Variants in CFAP46 observed in about 807,000 individuals in gnomAD.
The protein encoded by CFAP46 is cilia and flagella associated protein 46, also known as cilia- and flagella-associated protein 46.
Under a neutral mutation model 325.7 loss-of-function variants are expected in CFAP46, and 245 were observed. That is an observed-to-expected ratio of 0.75 (90% CI 0.68 to 0.84). The LOEUF is 0.84. Ranked by LOEUF, CFAP46 falls within the 40% of genes least tolerant of loss-of-function variation. The probability of loss-of-function intolerance (pLI) is 0.00; values close to 1 mark genes in which losing one functional copy is unlikely to be tolerated. For synonymous variants in CFAP46, 1,523 were observed against 1,495.9 expected (o/e 1.02, Z -0.42); for missense variants, 3,346 against 3,543.0 (o/e 0.94, Z 1.41).
rs777932119 is a variant in CFAP46, at chr10:132,920,099, C to T, written c.1690G>A (p.Gly564Arg). The T allele has an allele frequency of 1.7e-5, 27 of 1,548,790 alleles. No homozygotes were observed. The South Asian group carries it at 2.0e-4, about 12-fold the overall frequency. The change falls in exon 14 of 58, where the codon GGG (glycine) becomes AGG (arginine). Residue 564 changes from glycine to arginine, a missense_variant. Transcript: ENST00000368586. ...TCGTTGCCCAGGCGCCGCAGGTGCCCGGCAGCTTTGTCCACGCTGACGGTG... is the reference window on the plus strand; with the variant it reads ...TCGTTGCCCAGGCGCCGCAGGTGCCTGGCAGCTTTGTCCACGCTGACGGTG... ...HHTVSVDKAA[G>R]HLRRLGNEND...
At chr10:132,835,226 ACCTCG>A (rs1214271546) in intron 47 of CFAP46, 73 bp downstream of exon 47, 1 of 1,552,282 alleles carries the variant, frequency 6.4e-7, no homozygotes, top group African/African-American at 1.4e-5. Context: ...CCCTCCCCCC[ACCTCG>A]CCAGGGTCCT....
chr10:132,897,487 G>A (rs1023541275), intron 24 of CFAP46, among the ~76,000 whole-genome samples: 1 of 152,214 alleles, frequency 6.6e-6, no homozygotes, highest in Non-Finnish European at 1.5e-5. Flanking sequence ...GGTAGGAACC[G>A]CATATCTAGG....
At chr10:132,839,822 T>C (rs1310049242) in intron 44 of CFAP46, among the ~76,000 whole-genome samples, 1 of 152,234 alleles carries the variant, frequency 6.6e-6, no homozygotes, top group Non-Finnish European at 1.5e-5. Context: ...TTTTTGAATA[T>C]TGAACCACAT....
rs746756986 is a variant in CFAP46, at chr10:132,808,667, G to A, written c.7902C>T (p.Leu2634=). The change falls in exon 58 of 58, where the codon CTC becomes CTT. Residue 2634 remains leucine, a synonymous_variant. Transcript: ENST00000368586. This position sits in a 1 kb window ranked among gnomAD's most constrained non-coding sequence, Gnocchi z 6.8. ...PAPIPSSQLA[L]PFLGLSPALG... is the part of the protein sequence containing the mutation. ...GGGCTGGGGAGAGGCCCAGGAAGGG[G>A]AGAGCGAGCTGGGAGCTGGGGATGG... is the stretch of plus-strand genomic sequence containing the variant. 2 of 1,586,560 alleles carry A rather than the reference G, an allele frequency of 1.3e-6. No individual in the cohort carries two copies. Among genetic ancestry groups the A allele is most frequent in the Admixed American group, 3.6e-5 (2 of 54,908 alleles).
At chr10:132,836,119 C>T (rs751555558) in intron 46 of CFAP46, 23 bp downstream of exon 46, 2 of 1,593,982 alleles carry the variant, frequency 1.3e-6, no homozygotes, top group East Asian at 4.5e-5. Context: ...CTCCCCCTCC[C>T]CCTCCCCTGC....
chr10:132,815,316 G>C (rs1847672217), intron 50 of CFAP46, among the ~76,000 whole-genome samples: 1 of 152,182 alleles, frequency 6.6e-6, no homozygotes, highest in Admixed American at 6.5e-5. Flanking sequence ...CATGTGCCTG[G>C]GAAGGATGGC....
At chr10:132,872,644 A>AAATC (rs1360052515) in intron 32 of CFAP46, 32 bp downstream of exon 32, 1 of 1,550,378 alleles carries the variant, frequency 6.5e-7, no homozygotes, top group Non-Finnish European at 8.7e-7. Flanking sequence ...TGCTTTGGGG[A>AAATC]AATCACACTC....
intron 4 of CFAP46, among the ~76,000 whole-genome samples, chr10:132,940,556 G>A (rs572541436): frequency 2.0e-5 from 3 of 152,244 alleles, no homozygotes; most frequent in East Asian, 3.9e-4. Context: ...GGGTGCGCCC[G>A]GGGAGGCCCT....
In CFAP46 at chr10:132,942,557, C is replaced by T; in HGVS notation, c.-73G>A. 1 of 1,204,678 alleles carries T rather than the reference C, an allele frequency of 8.3e-7. No homozygotes were observed. The highest frequency in any genetic ancestry group is 1.0e-6 in the Non-Finnish European group (1 of 959,276). The allele number at this position is 1,204,678 out of a possible 1,614,324, so 74.6% of individuals were successfully genotyped here. On this transcript the variant is annotated 5_prime_UTR_variant, in exon 1 of 58. Transcript: ENST00000368586. ...CCTGCCGCCCACTGTCGGTTGGGTT[C>T]TCCAGCCGCGAGGACCCGGCCACGG... is the stretch of plus-strand genomic sequence containing the variant.
At chr10:132,940,432 A>C (rs1172768806) in intron 4 of CFAP46, among the ~76,000 whole-genome samples, 1 of 152,200 alleles carries the variant, frequency 6.6e-6, no homozygotes, top group Non-Finnish European at 1.5e-5. Flanking sequence ...ATTTTGTAGA[A>C]AGTGCTGGAG....
At chr10:132,908,260 C>T (rs546830406) in intron 22 of CFAP46, 7 of 583,722 alleles carry the variant, frequency 1.2e-5, no homozygotes, top group African/African-American at 3.8e-5. Flanking sequence ...CTGTGATCGC[C>T]GCCCAGGCCC....
intron 5 of CFAP46, among the ~76,000 whole-genome samples, chr10:132,938,102 G>A (rs560288267): frequency 6.8e-4 from 103 of 152,266 alleles, no homozygotes; most frequent in African/African-American, 2.3e-3. Context: ...TCCGCCGCCC[G>A]GCACAGTGAC....
intron 33 of CFAP46, among the ~76,000 whole-genome samples, chr10:132,868,297 G>A (rs764606673): frequency 2.6e-5 from 4 of 152,208 alleles, no homozygotes; most frequent in Non-Finnish European, 4.4e-5. Context: ...ATGAACAGCA[G>A]GGAACCAGGA....
At chr10:132,834,444 C>CGTGGGCA (rs1048898191) in intron 48 of CFAP46, among the ~76,000 whole-genome samples, 11 of 152,256 alleles carry the variant, frequency 7.2e-5, no homozygotes, top group East Asian at 5.8e-4. Context: ...CTGGAGGGAC[C>CGTGGGCA]GTGGGCAGTG....
At chr10:132,870,806 C>G (rs775032484) in intron 32 of CFAP46, among the ~76,000 whole-genome samples, 4 of 152,182 alleles carry the variant, frequency 2.6e-5, no homozygotes, top group Non-Finnish European at 5.9e-5. Context: ...AAGCTGAAGC[C>G]AGTTAGCCGG....
chr10:132,881,047 AG>A lies in CFAP46; in HGVS notation c.3628-16del. The A allele has an allele frequency of 6.5e-7, 1 of 1,549,572 alleles. No homozygotes were observed. The highest frequency in any genetic ancestry group is 8.7e-7 in the Non-Finnish European group (1 of 1,146,294). ...ATCTCAGGCTTCTGTGGGATTGAAC[AG>A]GAAGGGTGACATCCTCAGGATGGCC... On this transcript the variant is annotated splice_polypyrimidine_tract_variant and intron_variant, in intron 27 of 57. Transcript: ENST00000368586.
chr10:132,930,203 A>G (rs901839341), intron 8 of CFAP46, among the ~76,000 whole-genome samples: 1 of 152,100 alleles, frequency 6.6e-6, no homozygotes, highest in Non-Finnish European at 1.5e-5. Context: ...GAGGCCATGC[A>G]GGGAAGAGGC....
chr10:132,915,011 G>T (rs1026386180), intron 17 of CFAP46, among the ~76,000 whole-genome samples: 1 of 152,272 alleles, frequency 6.6e-6, no homozygotes, highest in Non-Finnish European at 1.5e-5. Context: ...TCACTCAGCC[G>T]TGTGGACGTG....
chr10:132,837,753 G>A (rs1304098310), intron 44 of CFAP46, among the ~76,000 whole-genome samples: 2 of 61,784 alleles, frequency 3.2e-5, no homozygotes, highest in African/African-American at 8.6e-5. Context: ...AGATGCGCAC[G>A]GACACACACG....
Sources: gnomAD v4.1 joint callset for allele counts (sites outside exome capture counted in the v4.1 genomes callset) on GRCh38, gnomAD v4.1.1 for gene constraint, Gnocchi (gnomAD v3.1) non-coding constraint, MANE v1.5 for transcripts, NCBI Gene and HGNC (gene_info 2026-07-23, HGNC 2026-07-21) for gene names.